FRMD4A: variants seen among roughly 807,000 people sequenced by gnomAD.
FRMD4A encodes FERM domain-containing protein 4A.
FRMD4A carries 29 observed loss-of-function variants against 129.1 expected under a neutral mutation model. The ratio of observed to expected loss-of-function variants is 0.22; its 90% CI spans 0.17 to 0.31. FRMD4A has a LOEUF of 0.31. Among genes scored for constraint, FRMD4A ranks in the 10% least tolerant of loss-of-function variants. The pLI is 1.00. For synonymous variants in FRMD4A, 634 were observed against 571.6 expected (o/e 1.11, Z -1.56); for missense variants, 1,272 against 1,375.8 (o/e 0.92, Z 1.19).
chr10:14,057,539 G>A (rs530482116), intron 2 of FRMD4A, among the ~76,000 whole-genome samples: 1 of 151,640 alleles, frequency 6.6e-6, no homozygotes, highest in Admixed American at 6.6e-5. Context: ...GAAACCAAAG[G>A]CCTCCCTTCC....
At position 14,015,736 on chromosome 10, in the gene FRMD4A, T is replaced by C. The variant is rs549461959; in HGVS notation, c.46-156824A>G. Among the ~76,000 whole-genome samples the C allele has an allele frequency of 1.2e-4, 18 of 152,366 alleles. No individual in the cohort carries two copies. In the South Asian group the frequency reaches 3.3e-3, roughly 28 times the overall value. ...TTATGTTACATCATTCATTCAACCATTATTTTATTGAGTGTCTAATAAAAT... is the reference window on the plus strand; with the variant it reads ...TTATGTTACATCATTCATTCAACCACTATTTTATTGAGTGTCTAATAAAAT... On this transcript the variant is annotated intron_variant, in intron 2 of 24. Coordinates refer to ENST00000357447, the MANE Select transcript of FRMD4A (RefSeq NM_018027.5).
intron 6 of FRMD4A, among the ~76,000 whole-genome samples, chr10:13,781,592 A>G (rs2092737433): frequency 6.6e-6 from 1 of 151,904 alleles, no homozygotes; most frequent in Non-Finnish European, 1.5e-5. Context: ...TGGCCAGGCT[A>G]GTCTCAAACT....
At position 13,879,640 on chromosome 10, in the gene FRMD4A, A is replaced by G. The variant is rs543863141; in HGVS notation, c.46-20728T>C. ...ACATCTCAACAGAACTTTTCACACA[A>G]TGAGGAATTCTTTTCTTTCCTTCCT... On this transcript the variant is annotated intron_variant, in intron 2 of 24. Coordinates refer to ENST00000357447, the MANE Select transcript of FRMD4A (RefSeq NM_018027.5). Among the ~76,000 whole-genome samples, 11 of 151,950 alleles carry G rather than the reference A, an allele frequency of 7.2e-5. No homozygotes were observed. In the South Asian group the frequency reaches 2.1e-3, roughly 29 times the overall value.
intron 2 of FRMD4A, among the ~76,000 whole-genome samples, chr10:14,276,952 C>T (rs1347089650): frequency 6.6e-6 from 1 of 152,188 alleles, no homozygotes; most frequent in African/African-American, 2.4e-5. Flanking sequence ...GCAACCTCTG[C>T]CTCCCGGGTT....
intron 2 of FRMD4A, among the ~76,000 whole-genome samples, chr10:14,005,676 C>T (rs1424092443): frequency 1.3e-5 from 2 of 152,134 alleles, no homozygotes; most frequent in South Asian, 2.1e-4. Context: ...GCCATGCCAT[C>T]GCTCCTCCAG....
intron 2 of FRMD4A, among the ~76,000 whole-genome samples, chr10:14,140,483 A>G (rs1426120028): frequency 1.3e-5 from 2 of 152,206 alleles, no homozygotes; most frequent in Non-Finnish European, 2.9e-5. Flanking sequence ...ATTTTCCCTC[A>G]TATCATTTGG....
chr10:13,644,002 T>C lies in FRMD4A; in HGVS notation c.*3036A>G, dbSNP rs972478453. On this transcript the variant is annotated 3_prime_UTR_variant, in exon 25 of 25. Coordinates refer to ENST00000357447, the MANE Select transcript of FRMD4A (RefSeq NM_018027.5). ...AATAAACTATTGACATTAATGTATA[T>C]GTAAAACTTTACACCTAGTTAACTA... is the stretch of plus-strand genomic sequence containing the variant. 6.6e-6 allele frequency: 1 copy of C among 152,668 alleles called. No homozygotes were observed. Among genetic ancestry groups the C allele is most frequent in the Non-Finnish European group, 1.5e-5 (1 of 68,048 alleles). 9.5% of individuals were successfully genotyped at this position (152,668 alleles called of 1,614,324 possible).
At chr10:13,873,505 G>A (rs2094460191) in intron 2 of FRMD4A, among the ~76,000 whole-genome samples, 2 of 152,230 alleles carry the variant, frequency 1.3e-5, no homozygotes, top group African/African-American at 4.8e-5. Context: ...CAAGTTTACA[G>A]GGAGAGAGTT....
intron 3 of FRMD4A, 134 bp downstream of exon 3, chr10:13,858,713 T>C (rs2094248502): frequency 1.4e-6 from 1 of 713,668 alleles, no homozygotes; most frequent in Non-Finnish European, 2.6e-6. Context: ...TGGTGGGTCC[T>C]AGTCATTCTC....
intron 2 of FRMD4A, among the ~76,000 whole-genome samples, chr10:14,244,814 C>T (rs563096583): frequency 5.3e-5 from 8 of 152,286 alleles, no homozygotes; most frequent in South Asian, 4.1e-4. Context: ...GTGCTCTTTC[C>T]GCAGTAATAC....
intron 2 of FRMD4A, among the ~76,000 whole-genome samples, chr10:13,995,547 T>C (rs1373268619): frequency 6.6e-6 from 1 of 152,200 alleles, no homozygotes; most frequent in African/African-American, 2.4e-5. Context: ...ATTGTGCCAC[T>C]GCACTCCAGC....
chr10:13,847,490 G>GGCTC (rs2094068867), intron 3 of FRMD4A, among the ~76,000 whole-genome samples: 1 of 152,016 alleles, frequency 6.6e-6, no homozygotes, highest in Admixed American at 6.6e-5. Flanking sequence ...TCAGGGGAGG[G>GGCTC]GCTCGCTCGC....
intron 2 of FRMD4A, among the ~76,000 whole-genome samples, chr10:14,237,877 A>T (rs1843885679): frequency 6.6e-6 from 1 of 152,196 alleles, no homozygotes; most frequent in Admixed American, 6.5e-5. Context: ...CTCCTCGGCC[A>T]GCTTCTCCTA....
At chr10:14,088,558 A>G (rs1400671271) in intron 2 of FRMD4A, among the ~76,000 whole-genome samples, 1 of 151,954 alleles carries the variant, frequency 6.6e-6, no homozygotes, top group Non-Finnish European at 1.5e-5. Flanking sequence ...CCTAAGGTCA[A>G]GGGGTCAAGA....
At chr10:13,655,634 C>T (rs957214912) in intron 22 of FRMD4A, 2 of 152,216 alleles carry the variant, frequency 1.3e-5, no homozygotes, top group African/African-American at 2.4e-5. Flanking sequence ...GCCCTGCTGT[C>T]TCCAGGCACC....
intron 2 of FRMD4A, among the ~76,000 whole-genome samples, chr10:13,957,926 T>A (rs1412232564): frequency 6.6e-6 from 1 of 152,124 alleles, no homozygotes; most frequent in African/African-American, 2.4e-5. Context: ...TTTGCTTGCC[T>A]TTTTTCTTTT....
In FRMD4A at chr10:13,645,314, A is replaced by G. The variant is rs2081052924; in HGVS notation, c.*1724T>C. ...CCCTGGCTCCTGTCCCTGGCTGTCA[A>G]TGCCTTTCCAATAGGAAGTCATTAG... On this transcript the variant is annotated 3_prime_UTR_variant, in exon 25 of 25. Coordinates refer to ENST00000357447, the MANE Select transcript of FRMD4A (RefSeq NM_018027.5). The G allele has an allele frequency of 6.6e-6, 1 of 151,704 alleles. No homozygotes were observed. Among genetic ancestry groups the G allele is most frequent in the Non-Finnish European group, 1.5e-5 (1 of 67,978 alleles). The allele number at this position is 151,704 out of a possible 1,614,324, so 9.4% of individuals were successfully genotyped here.
chr10:13,672,895 C>T (rs1399745648), intron 16 of FRMD4A, among the ~76,000 whole-genome samples: 1 of 152,216 alleles, frequency 6.6e-6, no homozygotes, highest in African/African-American at 2.4e-5. Context: ...GAGAAATCTA[C>T]CTGCAACTGA....
intron 2 of FRMD4A, among the ~76,000 whole-genome samples, chr10:14,196,608 T>G (rs929793881): frequency 5.3e-5 from 8 of 152,224 alleles, no homozygotes; most frequent in African/African-American, 1.9e-4. Flanking sequence ...TTCCTAGATA[T>G]GGATAAACAC....
Sources: gnomAD v4.1 joint callset for allele counts (sites outside exome capture counted in the v4.1 genomes callset) on GRCh38, gnomAD v4.1.1 for gene constraint, MANE v1.5 for transcripts, NCBI Gene and HGNC (gene_info 2026-07-23, HGNC 2026-07-21) for gene names.